The following WDR37 variants were observed in gnomAD, a reference collection of about 807,000 sequenced individuals.
The protein encoded by WDR37 is WD repeat-containing protein 37.
WDR37 carries 19 observed loss-of-function variants against 62.9 expected under a neutral mutation model. The observed-to-expected ratio is 0.30, with a 90% CI of 0.21 to 0.44. The LOEUF is 0.44. Among genes scored for constraint, WDR37 ranks in the 20% least tolerant of loss-of-function variants. The pLI is 1.00. For missense variants in WDR37, 474 were observed against 657.6 expected (o/e 0.72, Z 3.05); for synonymous variants, 250 against 260.9 (o/e 0.96, Z 0.40).
At chr10:1,120,684 A>G (rs548722571) in intron 11 of WDR37, among the ~76,000 whole-genome samples, 1 of 152,266 alleles carries the variant, frequency 6.6e-6, no homozygotes, top group African/African-American at 2.4e-5. Flanking sequence ...TGAACACATT[A>G]CCTTGAGGAA....
chr10:1,093,114 A>G (rs1834457421), intron 7 of WDR37, among the ~76,000 whole-genome samples: 1 of 151,970 alleles, frequency 6.6e-6, no homozygotes, highest in Admixed American at 6.6e-5. Context: ...CCACACTATA[A>G]TTTGTCTTCA....
At chr10:1,086,185 C>G (rs114169924) in intron 6 of WDR37, 101 bp from the exon 7 acceptor site, 1 of 860,336 alleles carries the variant, frequency 1.2e-6, no homozygotes, top group African/African-American at 1.7e-5. Context: ...TATCAGTGGT[C>G]GTGTAATTTC....
intron 1 of WDR37, among the ~76,000 whole-genome samples, chr10:1,066,387 A>G (rs946419267): frequency 2.0e-5 from 3 of 152,226 alleles, no homozygotes; most frequent in East Asian, 1.9e-4. Flanking sequence ...AAGTGCTGGG[A>G]TTATAGGCGT....
chr10:1,077,788 A>T, intron 2 of WDR37, 119 bp from the exon 3 acceptor site: 4 of 749,782 alleles, frequency 5.3e-6, no homozygotes, highest in Non-Finnish European at 8.5e-6. Flanking sequence ...TATATATAAA[A>T]ATATGTAATA....
intron 11 of WDR37, among the ~76,000 whole-genome samples, chr10:1,110,131 A>G (rs1835164097): frequency 6.6e-6 from 1 of 152,196 alleles, no homozygotes; most frequent in South Asian, 2.1e-4. Flanking sequence ...ATACGTTTTG[A>G]AAAGATCTCT....
At chr10:1,099,775 A>C (rs929788168) in intron 9 of WDR37, among the ~76,000 whole-genome samples, 7 of 150,166 alleles carry the variant, frequency 4.7e-5, no homozygotes, top group Non-Finnish European at 7.4e-5. Context: ...AGACGTGAGG[A>C]GGGTGAGCAT....
At chr10:1,110,003 G>T (rs1367540144) in intron 11 of WDR37, among the ~76,000 whole-genome samples, 3 of 152,192 alleles carry the variant, frequency 2.0e-5, no homozygotes, top group Non-Finnish European at 4.4e-5. Context: ...AACCACGGGG[G>T]TGAGGTGAAC....
intron 8 of WDR37, among the ~76,000 whole-genome samples, chr10:1,093,966 A>G (rs971194513): frequency 5.3e-5 from 8 of 152,308 alleles, no homozygotes; most frequent in Admixed American, 2.0e-4. Flanking sequence ...CTATAATTTC[A>G]GAGTAGTTTT....
chr10:1,113,303 C>CT (rs938414036), intron 11 of WDR37, among the ~76,000 whole-genome samples: 3 of 152,058 alleles, frequency 2.0e-5, no homozygotes, highest in East Asian at 1.9e-4. Flanking sequence ...CAGGAAAAAA[C>CT]TTTTTTTTCA....
chr10:1,056,987 C>G lies in WDR37; in HGVS notation c.-41+19C>G, dbSNP rs1178505068. On this transcript the variant is annotated intron_variant, in intron 1 of 13. Transcript: ENST00000263150. ...GTGACAGGTGAGTGCCGCCATCTTC[C>G]TACCTGTCAGGCGCCGAGTCGTTCC... 1 of 152,164 alleles carries G rather than the reference C, an allele frequency of 6.6e-6. No homozygotes were observed. The highest frequency in any genetic ancestry group is 2.4e-5 in the African/African-American group (1 of 41,402). 9.4% of individuals were successfully genotyped at this position (152,164 alleles called of 1,614,324 possible).
rs202070825 is a variant in WDR37, at chr10:1,079,387, GAAT to G, written c.236-620_236-618del. On this transcript the variant is annotated intron_variant, in intron 3 of 13. Coordinates refer to ENST00000263150, the MANE Select transcript of WDR37 (RefSeq NM_014023.4). ...GGCATGAGATACTGTGCCCAGCCCA[GAAT>G]AATGTTTTTAATCGTGCAGAATCAA... Among the ~76,000 whole-genome samples, 140 of 150,756 alleles carry G rather than the reference GAAT, an allele frequency of 9.3e-4. 4 individuals are homozygous for G. In the East Asian group the frequency reaches 0.025, roughly 27 times the overall value.
At chr10:1,129,098 G>A (rs534202827) in intron 13 of WDR37, 115 bp from the exon 14 acceptor site, 67 of 1,447,738 alleles carry the variant, frequency 4.6e-5, no homozygotes, top group Non-Finnish European at 6.2e-5. Flanking sequence ...TGCACACCAT[G>A]TTGTTTTCCT....
intron 5 of WDR37, among the ~76,000 whole-genome samples, chr10:1,082,502 AC>A (rs1834059519): frequency 6.6e-6 from 1 of 152,176 alleles, no homozygotes; most frequent in Non-Finnish European, 1.5e-5. Context: ...CATTTTCACA[AC>A]CGTGCTTTAG....
At chr10:1,120,246 AGAC>A (rs1835534904) in intron 11 of WDR37, among the ~76,000 whole-genome samples, 1 of 152,194 alleles carries the variant, frequency 6.6e-6, no homozygotes, top group Admixed American at 6.5e-5. Flanking sequence ...TGTGAAGAGA[AGAC>A]CTGTTTAATG....
rs79205293 is a variant in WDR37, at chr10:1,089,599, G to A, written c.604+3242G>A. Among the ~76,000 whole-genome samples, 138 of 151,648 alleles carry A rather than the reference G, an allele frequency of 9.1e-4. 2 individuals carry two copies. The highest frequency in any genetic ancestry group is 1.7e-3 in the Non-Finnish European group (117 of 67,858). ...TCACGCAGGTTAATTCAGCCTTCCC[G>A]TGCTCACCCACAATTCAACCTTCCC... On this transcript the variant is annotated intron_variant, in intron 7 of 13. Coordinates refer to ENST00000263150, the MANE Select transcript of WDR37 (RefSeq NM_014023.4).
intron 11 of WDR37, among the ~76,000 whole-genome samples, chr10:1,119,122 T>C (rs960766986): frequency 6.6e-6 from 1 of 152,256 alleles, no homozygotes; most frequent in African/African-American, 2.4e-5. Flanking sequence ...CAAGAGCATA[T>C]ATTTGGAAAA....
At chr10:1,129,076 T>C (rs1835897518) in intron 13 of WDR37, 137 bp from the exon 14 acceptor site, 2 of 1,248,358 alleles carry the variant, frequency 1.6e-6, no homozygotes, top group Admixed American at 2.5e-5. Context: ...CGGTGGTCCA[T>C]GGGACTGATC....
rs546730460 is a variant in WDR37 at position 1,124,573 on chromosome 10, G to A, written c.1238+221G>A. ...AGATTTGTGAGAATGAGAATGACCC[G>A]TTTGTGGCAGACATGCAGGGCTTCT... On this transcript the variant is annotated intron_variant, in intron 12 of 13. Coordinates refer to ENST00000263150, the MANE Select transcript of WDR37 (RefSeq NM_014023.4). Among the ~76,000 whole-genome samples the A allele has an allele frequency of 7.4e-4, 112 of 152,198 alleles. 2 individuals carry two copies. Among genetic ancestry groups the A allele is most frequent in the Non-Finnish European group, 1.4e-3 (94 of 68,024 alleles).
intron 11 of WDR37, among the ~76,000 whole-genome samples, chr10:1,123,034 C>T (rs1213658564): frequency 6.6e-6 from 1 of 152,162 alleles, no homozygotes; most frequent in Non-Finnish European, 1.5e-5. Context: ...TTCCCCCTCT[C>T]TTCTTGTTTT....
Sources: allele counts gnomAD v4.1 joint callset (sites outside exome capture counted in the v4.1 genomes callset), GRCh38; gene constraint gnomAD v4.1.1; transcripts MANE v1.5; gene names NCBI Gene and HGNC (gene_info 2026-07-23, HGNC 2026-07-21).